SERPINI1: variants seen among roughly 807,000 people sequenced by gnomAD.
The protein encoded by SERPINI1 is serpin family I member 1.
In SERPINI1, 19 loss-of-function variants were observed where a neutral mutation model predicts 41.1. The ratio of observed to expected loss-of-function variants is 0.46; its 90% CI spans 0.32 to 0.68. The LOEUF (loss-of-function observed/expected upper bound fraction) is 0.68, where lower values mean the gene tolerates loss of function less well. SERPINI1 is among the 30% of genes least tolerant of loss of function. The probability of loss-of-function intolerance (pLI) is 0.03; values close to 1 mark genes in which losing one functional copy is unlikely to be tolerated. For synonymous variants in SERPINI1, 138 were observed against 156.6 expected, an observed-to-expected ratio of 0.88 and a Z score of 0.89; for missense variants, 460 against 479.2, an observed-to-expected ratio of 0.96 and a Z score of 0.37.
chr3:167,742,818 TTGTGTGTGTGTGTGTG>T (rs10576293), intron 1 of SERPINI1, among the ~76,000 whole-genome samples: 26,382 of 145,040 alleles, frequency 0.18, 2,759 homozygotes, highest in African/African-American at 0.3. Context: ...TTGTGCCGTT[TTGTGTGTGTGTGTGTG>T]TGTGTGTGTG....
chr3:167,781,910 A>C (rs1577414742), intron 1 of SERPINI1, among the ~76,000 whole-genome samples: 1 of 152,194 alleles, frequency 6.6e-6, no homozygotes, highest in East Asian at 1.9e-4. Flanking sequence ...AAGAAGATTT[A>C]GTTCCCTTAC....
intron 1 of SERPINI1, among the ~76,000 whole-genome samples, chr3:167,763,399 A>G (rs796485008): frequency 5.2e-5 from 7 of 134,352 alleles, no homozygotes; most frequent in African/African-American, 2.5e-4. Context: ...GTGTGTGTTG[A>G]GACAGGATCT....
chr3:167,807,434 G>GGT, intron 6 of SERPINI1, 93 bp downstream of exon 6: 1 of 842,332 alleles, frequency 1.2e-6, no homozygotes, highest in South Asian at 1.5e-5. Flanking sequence ...GGAGTTCTGG[G>GGT]GTAAAATATA....
intron 1 of SERPINI1, among the ~76,000 whole-genome samples, chr3:167,740,037 C>CT (rs967663857): frequency 7.9e-4 from 111 of 141,218 alleles, no homozygotes; most frequent in South Asian, 2.5e-3. Flanking sequence ...TTTTTGCCGC[C>CT]TTTTTTTTTT....
At position 167,825,295 on chromosome 3, in the gene SERPINI1, CA is replaced by C; in HGVS notation, c.1207del (p.Ser403ValfsTer21). 6.2e-7 allele frequency: 1 copy of C among 1,613,004 alleles called. No individual in the cohort carries two copies. Among genetic ancestry groups the C allele is most frequent in the Non-Finnish European group, 8.5e-7 (1 of 1,179,080 alleles). On this transcript the variant is annotated frameshift_variant, in exon 9 of 9. Transcript: ENST00000446050. LOFTEE classifies it high-confidence loss of function. The part of the protein sequence containing the change: ...GRVMHPETMN[T>X]SGHDFEEL Reference sequence around the variant, plus strand: ...GTCATGCATCCTGAAACAATGAACACAAGTGGACATGATTTCGAAGAACTTT... The same window carrying C: ...GTCATGCATCCTGAAACAATGAACACAGTGGACATGATTTCGAAGAACTTT...
chr3:167,814,483 G>A (rs1461831593), intron 6 of SERPINI1, among the ~76,000 whole-genome samples: 2 of 152,192 alleles, frequency 1.3e-5, no homozygotes, highest in African/African-American at 2.4e-5. Flanking sequence ...CTTTTGGTAT[G>A]CTAGGGTTCT....
At chr3:167,745,835 G>T (rs1725846914) in intron 1 of SERPINI1, among the ~76,000 whole-genome samples, 1 of 151,990 alleles carries the variant, frequency 6.6e-6, no homozygotes, top group Non-Finnish European at 1.5e-5. Context: ...AAATACCAAG[G>T]AATGAATTTA....
chr3:167,791,837 C>T (rs1161729175), intron 3 of SERPINI1, among the ~76,000 whole-genome samples: 1 of 152,158 alleles, frequency 6.6e-6, no homozygotes, highest in Non-Finnish European at 1.5e-5. Context: ...CAAGAATAAA[C>T]TTAGGACTGG....
At position 167,794,737 on chromosome 3, in the gene SERPINI1, C is replaced by G; in HGVS notation, c.794C>G (p.Ala265Gly). 6.2e-7 allele frequency: 1 copy of G among 1,613,644 alleles called. No individual in the cohort carries two copies. Among genetic ancestry groups the G allele is most frequent in the South Asian group, 1.1e-5 (1 of 91,056 alleles). ...CTGTCCAGACAGGAAGTTCCTCTTG[C>G]TACTCTGGAGCCATTAGTCAAAGCA... is the stretch of plus-strand genomic sequence containing the variant. ...LVLSRQEVPL[A>G]TLEPLVKAQL... is the part of the protein sequence containing the mutation. Residue 265 changes from alanine (A) to glycine (G), a missense_variant, in exon 5 of 9, where the codon GCT becomes GGT. Physicochemically the swap from Ala to Gly is moderately conservative, Grantham distance 60 (BLOSUM62 0). Transcript: ENST00000446050.
chr3:167,764,646 C>A (rs957059996), intron 1 of SERPINI1, among the ~76,000 whole-genome samples: 4 of 152,182 alleles, frequency 2.6e-5, no homozygotes, highest in African/African-American at 9.7e-5. Flanking sequence ...CTAATCATGT[C>A]TTCACAACAG....
intron 1 of SERPINI1, among the ~76,000 whole-genome samples, chr3:167,788,352 A>T (rs1727379778): frequency 6.6e-6 from 1 of 152,190 alleles, no homozygotes; most frequent in Non-Finnish European, 1.5e-5. Context: ...AATTAGAAAT[A>T]TTAATTTAAA....
chr3:167,803,098 A>G (rs887509819), intron 5 of SERPINI1, among the ~76,000 whole-genome samples: 1 of 150,536 alleles, frequency 6.6e-6, no homozygotes, highest in South Asian at 2.1e-4. Flanking sequence ...GGACACAGGA[A>G]GGGGAACATC....
At chr3:167,748,972 G>C (rs1370796756) in intron 1 of SERPINI1, among the ~76,000 whole-genome samples, 1 of 152,020 alleles carries the variant, frequency 6.6e-6, no homozygotes, top group Non-Finnish European at 1.5e-5. Flanking sequence ...CAAGCAGCAG[G>C]AAAAGAAAGA....
At chr3:167,760,767 A>G (rs531248738) in intron 1 of SERPINI1, among the ~76,000 whole-genome samples, 1 of 152,312 alleles carries the variant, frequency 6.6e-6, no homozygotes, top group Admixed American at 6.5e-5. Flanking sequence ...AGATTAGCCT[A>G]CAAAGAGGAT....
At chr3:167,761,644 T>C (rs1726385511) in intron 1 of SERPINI1, among the ~76,000 whole-genome samples, 1 of 152,220 alleles carries the variant, frequency 6.6e-6, no homozygotes, top group Admixed American at 6.5e-5. Flanking sequence ...AATGTCTTCT[T>C]CAAACTTATA....
intron 1 of SERPINI1, among the ~76,000 whole-genome samples, chr3:167,759,118 G>A (rs1292176255): frequency 2.6e-5 from 4 of 152,024 alleles, no homozygotes; most frequent in African/African-American, 4.8e-5. Context: ...TACAGAAACT[G>A]CTGGGCTTTA....
chr3:167,822,562 A>T (rs1363366389), intron 6 of SERPINI1, among the ~76,000 whole-genome samples: 1 of 152,130 alleles, frequency 6.6e-6, no homozygotes, highest in Non-Finnish European at 1.5e-5. Context: ...CATAGTAATT[A>T]AATATTAGGT....
intron 3 of SERPINI1, 140 bp from the exon 4 acceptor site, chr3:167,792,450 A>G: frequency 3.1e-6 from 2 of 640,926 alleles, no homozygotes; most frequent in Non-Finnish European, 5.4e-6. Flanking sequence ...TTTGGAAGTA[A>G]GATACTTTTT....
chr3:167,823,565 G>A (rs1426934722), intron 7 of SERPINI1, among the ~76,000 whole-genome samples: 4 of 152,080 alleles, frequency 2.6e-5, no homozygotes, highest in African/African-American at 7.2e-5. Context: ...GGTAAATGGG[G>A]TATTCATCAC....
Sources: allele counts gnomAD v4.1 joint callset (sites outside exome capture counted in the v4.1 genomes callset), GRCh38; gene constraint gnomAD v4.1.1; transcripts MANE v1.5; gene names NCBI Gene and HGNC (gene_info 2026-07-23, HGNC 2026-07-21).